Variants in EYS observed in about 807,000 individuals in gnomAD.
The protein encoded by EYS is protein eyes shut homolog.
A neutral mutation model predicts 282.1 loss-of-function variants in EYS; 250 were observed. The observed-to-expected ratio is 0.89, with a 90% CI of 0.80 to 0.98. EYS has a LOEUF of 0.98. EYS is among the 50% of genes least tolerant of loss of function. The pLI is 0.00. For missense variants in EYS, 4,016 were observed against 3,709.0 expected, an observed-to-expected ratio of 1.08 and a Z score of -2.15; for synonymous variants, 1,355 against 1,282.9, an observed-to-expected ratio of 1.06 and a Z score of -1.20.
chr6:64,343,809 G>A (rs972101056), intron 29 of EYS, among the ~76,000 whole-genome samples: 2 of 152,010 alleles, frequency 1.3e-5, no homozygotes, highest in South Asian at 4.1e-4. Context: ...TAGACTGCTA[G>A]CCAGACTAAT....
intron 31 of EYS, among the ~76,000 whole-genome samples, chr6:64,185,989 G>T (rs1764927507): frequency 6.6e-6 from 1 of 152,100 alleles, no homozygotes; most frequent in African/African-American, 2.4e-5. Flanking sequence ...GCATCATTGT[G>T]ATTTCAGGTA....
intron 19 of EYS, among the ~76,000 whole-genome samples, chr6:64,857,057 T>C (rs1041647509): frequency 2.0e-5 from 3 of 152,212 alleles, no homozygotes; most frequent in Non-Finnish European, 4.4e-5. Flanking sequence ...TGAGTTGCCT[T>C]TGCTCTTTGT....
chr6:64,196,645 C>CA (rs999225884), intron 31 of EYS, among the ~76,000 whole-genome samples: 1 of 150,242 alleles, frequency 6.7e-6, no homozygotes, highest in Non-Finnish European at 1.5e-5. Flanking sequence ...ATCACAAGAA[C>CA]AAAAAACCAA....
At chr6:64,816,688 A>C (rs1764749411) in intron 21 of EYS, among the ~76,000 whole-genome samples, 1 of 152,184 alleles carries the variant, frequency 6.6e-6, no homozygotes, top group Admixed American at 6.6e-5. Context: ...CAGAACAAAT[A>C]CGTAGGAAAA....
intron 1 of EYS, among the ~76,000 whole-genome samples, chr6:65,640,990 C>T (rs1412592809): frequency 1.3e-5 from 2 of 152,036 alleles, no homozygotes; most frequent in African/African-American, 4.8e-5. Context: ...CTCACTCTGT[C>T]CTGTATATAC....
intron 2 of EYS, among the ~76,000 whole-genome samples, chr6:65,550,155 T>A (rs1768561180): frequency 7.1e-4 from 6 of 8,464 alleles, no homozygotes; most frequent in East Asian, 8.9e-3. Context: ...TTTTTTTTTT[T>A]TTTTTTTTTT....
At position 65,335,661 on chromosome 6, in the gene EYS, C is replaced by A. The variant is rs372365421; in HGVS notation, c.1600-515G>T. On this transcript the variant is annotated intron_variant, in intron 10 of 42. Coordinates refer to ENST00000503581, the MANE Select transcript of EYS (RefSeq NM_001142800.2). ...GTTACATACATGTTTACTCATTGAA[C>A]ATGTGCTTGCCTGTCCCCCATAAAT... Among the ~76,000 whole-genome samples the A allele has an allele frequency of 5.9e-5, 9 of 151,764 alleles. No homozygotes were observed. The East Asian group carries it at 1.2e-3, about 20-fold the overall frequency.
At chr6:64,945,973 CA>C (rs1276375366) in intron 14 of EYS, 59 bp from the exon 15 acceptor site, 46 of 1,307,836 alleles carry the variant, frequency 3.5e-5, no homozygotes, top group Non-Finnish European at 4.6e-5. Context: ...GCCTATAATA[CA>C]GATATTACTC....
chr6:64,549,813 G>T (rs1765010361), intron 26 of EYS, among the ~76,000 whole-genome samples: 1 of 149,006 alleles, frequency 6.7e-6, no homozygotes, highest in Non-Finnish European at 1.5e-5. Flanking sequence ...GTATACATGT[G>T]CCATGTTGGT....
At chr6:65,052,314 T>G (rs1209413899) in intron 13 of EYS, among the ~76,000 whole-genome samples, 1 of 151,546 alleles carries the variant, frequency 6.6e-6, no homozygotes, top group Non-Finnish European at 1.5e-5. Context: ...GAAAGAAAAT[T>G]TATACTTTGA....
At chr6:64,465,614 T>C (rs1775891443) in intron 26 of EYS, among the ~76,000 whole-genome samples, 1 of 151,924 alleles carries the variant, frequency 6.6e-6, no homozygotes, top group African/African-American at 2.4e-5. Flanking sequence ...GATTAAACAC[T>C]GAAATGTAAG....
rs142805243 is a variant in EYS, at chr6:64,179,520, A to G, written c.6424+51072T>C. Reference sequence around the variant, plus strand: ...CCAGATTGATATTCACACGGCTTCAATATTACATGTAATCAAGCACAGTAA... The same window carrying G: ...CCAGATTGATATTCACACGGCTTCAGTATTACATGTAATCAAGCACAGTAA... On this transcript the variant is annotated intron_variant, in intron 31 of 42. Transcript: ENST00000503581. Among the ~76,000 whole-genome samples the G allele has an allele frequency of 9.5e-4, 145 of 152,232 alleles. 2 individuals are homozygous for G. The highest frequency in any genetic ancestry group is 3.2e-3 in the African/African-American group (135 of 41,588).
chr6:64,558,167 A>G (rs963337194), intron 26 of EYS, among the ~76,000 whole-genome samples: 1 of 152,166 alleles, frequency 6.6e-6, no homozygotes, highest in Admixed American at 6.6e-5. Flanking sequence ...TTTTCTAAAT[A>G]TGTATTTTTA....
chr6:64,292,593 G>A (rs1178982422), intron 30 of EYS, among the ~76,000 whole-genome samples: 1 of 151,928 alleles, frequency 6.6e-6, no homozygotes, highest in Non-Finnish European at 1.5e-5. Flanking sequence ...TAAGATCGAG[G>A]ATAGCTAATA....
intron 12 of EYS, among the ~76,000 whole-genome samples, chr6:65,203,048 G>A (rs1462195923): frequency 6.6e-6 from 1 of 152,158 alleles, no homozygotes; most frequent in Non-Finnish European, 1.5e-5. Context: ...AGCACAGGAT[G>A]GAAACCCTGA....
intron 12 of EYS, among the ~76,000 whole-genome samples, chr6:65,170,408 A>G (rs759753676): frequency 6.6e-6 from 1 of 151,564 alleles, no homozygotes; most frequent in Non-Finnish European, 1.5e-5. Flanking sequence ...TTTCTTGACC[A>G]CAAAAAGACG....
intron 22 of EYS, among the ~76,000 whole-genome samples, chr6:64,676,329 T>TATATAG (rs1583028276): frequency 6.9e-6 from 1 of 144,188 alleles, no homozygotes; most frequent in African/African-American, 2.5e-5. Context: ...TATATATATA[T>TATATAG]CTATATATCT....
Position 65,108,508 on chromosome 6 carries a change from G to A in EYS, c.2024-50781C>T, listed in dbSNP as rs145164184. ...ATATGGGTATTGCCATGTTGCCCAG[G>A]CTGGGATGCACTTTAAATGTGTGTT... On this transcript the variant is annotated intron_variant, in intron 12 of 42. Coordinates refer to ENST00000503581, the MANE Select transcript of EYS (RefSeq NM_001142800.2). Among the ~76,000 whole-genome samples the A allele has an allele frequency of 4.3e-3, 661 of 152,158 alleles. 27 individuals carry two copies. Among genetic ancestry groups the A allele is most frequent in the Admixed American group, 0.04 (603 of 15,260 alleles).
chr6:64,811,265 T>G (rs1351504821), intron 22 of EYS, among the ~76,000 whole-genome samples: 4 of 152,020 alleles, frequency 2.6e-5, no homozygotes, highest in Non-Finnish European at 5.9e-5. Context: ...TTTAAACACA[T>G]TGAATCAGCA....
Sources: allele counts gnomAD v4.1 joint callset (sites outside exome capture counted in the v4.1 genomes callset), GRCh38; gene constraint gnomAD v4.1.1; transcripts MANE v1.5; gene names NCBI Gene and HGNC (gene_info 2026-07-23, HGNC 2026-07-21).